RFT1: variants seen among roughly 807,000 people sequenced by gnomAD.
The protein encoded by RFT1 is RFT1 glycolipid translocator homolog.
A neutral mutation model predicts 62.2 loss-of-function variants in RFT1; 43 were observed. The observed-to-expected ratio is 0.69, with a 90% confidence interval of 0.54 to 0.89. The LOEUF is 0.89. Ranked by LOEUF, RFT1 falls within the 40% of genes least tolerant of loss-of-function variation. RFT1 has a pLI of 0.00. For missense variants in RFT1, 605 were observed against 649.9 expected (o/e 0.93, Z 0.75); for synonymous variants, 262 against 264.6 (o/e 0.99, Z 0.10).
At chr3:53,096,205 T>A (rs534100388) in intron 11 of RFT1, among the ~76,000 whole-genome samples, 1 of 152,304 alleles carries the variant, frequency 6.6e-6, no homozygotes, top group Non-Finnish European at 1.5e-5. Flanking sequence ...AGAAATCCCA[T>A]CTGTCTTATT....
At chr3:53,101,048 T>A (rs1168487804) in intron 10 of RFT1, among the ~76,000 whole-genome samples, 1 of 152,112 alleles carries the variant, frequency 6.6e-6, no homozygotes, top group African/African-American at 2.4e-5. Flanking sequence ...TCATTCAGGG[T>A]TTATGAAAGC....
intron 10 of RFT1, among the ~76,000 whole-genome samples, chr3:53,101,105 T>C (rs1701299482): frequency 6.6e-6 from 1 of 152,180 alleles, no homozygotes; most frequent in Non-Finnish European, 1.5e-5. Flanking sequence ...TAAACAGTTT[T>C]ATGGCAGTCA....
At chr3:53,120,452 C>T (rs1199043731) in intron 5 of RFT1, among the ~76,000 whole-genome samples, 2 of 152,136 alleles carry the variant, frequency 1.3e-5, no homozygotes. Flanking sequence ...TTCTATAAAC[C>T]CCGGAAACCT....
chr3:53,096,177 C>T (rs966807176), intron 11 of RFT1, among the ~76,000 whole-genome samples: 1 of 152,140 alleles, frequency 6.6e-6, no homozygotes, highest in Non-Finnish European at 1.5e-5. Flanking sequence ...GCCTCCCCAC[C>T]GTCAGCTCCA....
the RFT1 span, among the ~76,000 whole-genome samples, chr3:53,071,374 A>T: frequency 6.6e-6 from 1 of 152,162 alleles, no homozygotes; most frequent in African/African-American, 2.4e-5. Context: ...TGAACTCTGC[A>T]GTCTGTGAGG....
At chr3:53,117,595 G>A (rs1701845900) in intron 6 of RFT1, among the ~76,000 whole-genome samples, 2 of 152,190 alleles carry the variant, frequency 1.3e-5, no homozygotes, top group African/African-American at 4.8e-5. Context: ...GTCTGGGCAT[G>A]GGTACTTTCA....
the RFT1 span, among the ~76,000 whole-genome samples, chr3:53,075,940 G>A: frequency 6.6e-6 from 1 of 152,188 alleles, no homozygotes; most frequent in Non-Finnish European, 1.5e-5. Flanking sequence ...AGTTTAAGGG[G>A]AAGTTAACAT....
Position 53,104,238 on chromosome 3 carries a change from T to C in RFT1, c.958-141A>G, listed in dbSNP as rs1560333. 718,540 of 832,142 alleles carry C rather than the reference T, an allele frequency of 0.86. 313,702 individuals are homozygous for C. Among genetic ancestry groups the C allele is most frequent in the Middle Eastern group, 0.89 (2,509 of 2,804 alleles). The allele number at this position is 832,142 out of a possible 1,614,324, so 51.5% of individuals were successfully genotyped here. A position where few individuals can be genotyped will look rare whatever the true frequency, so the allele number is the denominator to read the frequency against. ...GATGGATATCACTATTTTTTTGTAG[T>C]GTGTTTGTTTTCACGTCAGTTAGCA... On this transcript the variant is annotated intron_variant, in intron 9 of 12. Transcript: ENST00000296292.
the RFT1 span, among the ~76,000 whole-genome samples, chr3:53,070,779 G>A: frequency 1.3e-5 from 2 of 151,518 alleles, no homozygotes; most frequent in African/African-American, 4.8e-5. Flanking sequence ...GCTCACACCT[G>A]TAATCCCAGC....
At chr3:53,094,220 C>A (rs1575479956) in intron 11 of RFT1, among the ~76,000 whole-genome samples, 2 of 152,064 alleles carry the variant, frequency 1.3e-5, no homozygotes, top group Non-Finnish European at 2.9e-5. Flanking sequence ...CATGTCTCTA[C>A]CAAAAAGAAA....
intron 11 of RFT1, among the ~76,000 whole-genome samples, chr3:53,097,033 C>T (rs1247954316): frequency 6.6e-6 from 1 of 152,156 alleles, no homozygotes; most frequent in Non-Finnish European, 1.5e-5. Context: ...GTGTGAGCCA[C>T]CGTGCCCGGC....
At chr3:53,105,620 CT>C (rs1297899898) in intron 9 of RFT1, 52 bp downstream of exon 9, 7 of 1,599,252 alleles carry the variant, frequency 4.4e-6, no homozygotes, top group Non-Finnish European at 6.0e-6. Context: ...TCCTGTCTGT[CT>C]TGCAATTAAA....
At chr3:53,086,377 G>A (rs552649070), downstream of RFT1, among the ~76,000 whole-genome samples, 6 of 152,072 alleles carry the variant, frequency 3.9e-5, no homozygotes, top group East Asian at 5.8e-4. Context: ...GTGCAGTGGC[G>A]CGATCTTGGC....
chr3:53,070,988 C>A, the RFT1 span, among the ~76,000 whole-genome samples: 1 of 151,876 alleles, frequency 6.6e-6, no homozygotes, highest in South Asian at 2.1e-4. Context: ...ACTTTGGCCT[C>A]CCAAAGTGCT....
the RFT1 span, among the ~76,000 whole-genome samples, chr3:53,070,395 T>G: frequency 1.7e-4 from 22 of 128,336 alleles, 3 homozygotes; most frequent in East Asian, 4.6e-4. Context: ...GTATTATGGT[T>G]TTTTTTTTTT....
At chr3:53,122,626 A>G in intron 3 of RFT1, 63 bp from the exon 4 acceptor site, 2 of 1,093,326 alleles carry the variant, frequency 1.8e-6, no homozygotes, top group South Asian at 2.2e-5. Context: ...ATATTAAAAT[A>G]GTAACACTGA....
chr3:53,120,803 G>A (rs1215324986), intron 5 of RFT1, among the ~76,000 whole-genome samples: 5 of 152,150 alleles, frequency 3.3e-5, no homozygotes, highest in Non-Finnish European at 5.9e-5. Context: ...AAAGGCACAG[G>A]GCAAGGAAAA....
chr3:53,099,727 C>T (rs1025505438), intron 10 of RFT1, among the ~76,000 whole-genome samples: 1 of 152,198 alleles, frequency 6.6e-6, no homozygotes, highest in African/African-American at 2.4e-5. Context: ...TGGCTCACAC[C>T]TGTAATCCTA....
intron 9 of RFT1, 129 bp from the exon 10 acceptor site, chr3:53,104,226 AT>A (rs934405665): frequency 3.2e-6 from 3 of 942,640 alleles, no homozygotes; most frequent in Non-Finnish European, 4.8e-6. Flanking sequence ...GGATATCACT[AT>A]TTTTTTGTAG....
Sources: allele counts gnomAD v4.1 joint callset (sites outside exome capture counted in the v4.1 genomes callset), GRCh38; gene constraint gnomAD v4.1.1; transcripts MANE v1.5; gene names NCBI Gene and HGNC (gene_info 2026-07-23, HGNC 2026-07-21).